DNMT1: variants seen among roughly 807,000 people sequenced by gnomAD.
DNMT1 encodes DNA methyltransferase 1.
Under a neutral mutation model 205.3 loss-of-function variants are expected in DNMT1, and 24 were observed. The ratio of observed to expected loss-of-function variants is 0.12; its 90% CI spans 0.08 to 0.16. DNMT1 has a LOEUF of 0.16. DNMT1 is among the 10% of genes least tolerant of loss of function. The pLI is 1.00. For synonymous variants in DNMT1, 817 were observed against 839.8 expected, an observed-to-expected ratio of 0.97 and a Z score of 0.47; for missense variants, 1,293 against 2,177.7, an observed-to-expected ratio of 0.59 and a Z score of 8.09.
chr19:10,172,155 C>G (rs1471643398), intron 9 of DNMT1, among the ~76,000 whole-genome samples: 1 of 152,090 alleles, frequency 6.6e-6, no homozygotes, highest in African/African-American at 2.4e-5. Flanking sequence ...GTGGCTCACG[C>G]CTATAATCCC....
chr19:10,180,553 T>C lies in DNMT1; in HGVS notation c.242A>G (p.Lys81Arg). The C allele has an allele frequency of 6.2e-7, 1 of 1,614,154 alleles. No homozygotes were observed. The highest frequency in any genetic ancestry group is 8.5e-7 in the Non-Finnish European group (1 of 1,180,032). Residue 81 changes from lysine to arginine, a missense_variant, in exon 4 of 41, where the codon AAA becomes AGA. Lys to Arg is a conservative substitution (Grantham distance 26, BLOSUM62 2). Around this residue, in one of 13 missense-constraint regions of DNMT1, gnomAD observed 394 missense variants for 451.6 expected, o/e 0.87. Transcript: ENST00000359526. Reference sequence around the variant, plus strand: ...ATCTTTATTTAAAAGGGATTTGACTTTAGCCAGGTAGCCCTCCTACAGCAG... The same window carrying C: ...ATCTTTATTTAAAAGGGATTTGACTCTAGCCAGGTAGCCCTCCTACAGCAG... ...EELSEEGYLAKVKSLLNKDLS... is the reference protein window; with the variant it reads ...EELSEEGYLARVKSLLNKDLS...
chr19:10,145,175 G>C (rs1599353712), intron 28 of DNMT1, among the ~76,000 whole-genome samples: 1 of 152,214 alleles, frequency 6.6e-6, no homozygotes, highest in Admixed American at 6.5e-5. Context: ...TTTGAAGAAG[G>C]CCTGCCGTTA....
chr19:10,142,241 G>A (rs773871134), intron 29 of DNMT1, 21 bp from the exon 30 acceptor site: 97 of 1,613,566 alleles, frequency 6.0e-5, no homozygotes, highest in Middle Eastern at 1.6e-4. Flanking sequence ...GAGAGGCCTC[G>A]TTAGGAGCTC....
In DNMT1 at chr19:10,180,375, C is replaced by T; in HGVS notation, c.420G>A (p.Arg140=). 1.2e-6 allele frequency: 2 copies of T among 1,613,456 alleles called. No individual in the cohort carries two copies. Among genetic ancestry groups the T allele is most frequent in the Non-Finnish European group, 8.5e-7 (1 of 1,180,030 alleles). Residue 140 remains arginine (R), a synonymous_variant, in exon 4 of 41, where the codon AGG becomes AGA. Coordinates refer to ENST00000359526, the MANE Select transcript of DNMT1 (RefSeq NM_001130823.3). The stretch of plus-strand genomic sequence containing the variant: ...GCTTAGCCTCTCCATCGGACTTGCT[C>T]CTCCTGGGCGTGCGAGGTTTGGAAA... ...KPLSKPRTPR[R]SKSDGEAKRS... is the part of the protein sequence containing the mutation.
chr19:10,158,555 A>C (rs559181730), intron 17 of DNMT1, among the ~76,000 whole-genome samples: 3 of 152,334 alleles, frequency 2.0e-5, no homozygotes, highest in African/African-American at 7.2e-5. Flanking sequence ...ACGAAGAACA[A>C]GGTGAAGCCC....
In DNMT1 at chr19:10,156,306, C is replaced by T; in HGVS notation, c.1399+85G>A. ...AAGTGATCCTCTGGCCTCAGACCCC[C>T]AAAGTGCTAGGATTACAGATGTGAG... On this transcript the variant is annotated intron_variant, in intron 18 of 40. Coordinates refer to ENST00000359526, the MANE Select transcript of DNMT1 (RefSeq NM_001130823.3). The surrounding 1 kb of genome is among the most constrained non-coding windows in gnomAD (Gnocchi z 4.2). 8.9e-7 allele frequency: 1 copy of T among 1,123,166 alleles called. No individual in the cohort carries two copies. 69.6% of individuals were successfully genotyped at this position (1,123,166 alleles called of 1,614,324 possible). A position where few individuals can be genotyped will look rare whatever the true frequency, so the allele number is the denominator to read the frequency against.
rs1382078791 is a variant in DNMT1, at chr19:10,137,953, G to A, written c.4172C>T (p.Pro1391Leu). The change falls in exon 36 of 41, where the codon CCG becomes CTG. Residue 1391 changes from proline to leucine, a missense_variant. Physicochemically the swap from Pro to Leu is moderately conservative, Grantham distance 98 (BLOSUM62 -3). Around this residue, in one of 13 missense-constraint regions of DNMT1, gnomAD observed 148 missense variants for 256.1 expected, o/e 0.58. Transcript: ENST00000359526. This position sits in a 1 kb window ranked among gnomAD's most constrained non-coding sequence, Gnocchi z 6.4. ...TGCCGAGGCTCCATTCCGCACCTCCGGCAGGTCGGACATCGTGTCTCGCAC... is the reference window on the plus strand; with the variant it reads ...TGCCGAGGCTCCATTCCGCACCTCCAGCAGGTCGGACATCGTGTCTCGCAC... ...ITVRDTMSDLPEVRNGASALE... is the reference protein window; with the variant it reads ...ITVRDTMSDLLEVRNGASALE... 6 of 1,611,712 alleles carry A rather than the reference G, an allele frequency of 3.7e-6. No individual in the cohort carries two copies. Among genetic ancestry groups the A allele is most frequent in the Non-Finnish European group, 5.1e-6 (6 of 1,179,232 alleles).
In DNMT1 at chr19:10,168,319, G is replaced by C. The variant is rs377632120; in HGVS notation, c.803+11C>G. 1.2e-6 allele frequency: 2 copies of C among 1,613,998 alleles called. No homozygotes were observed. Among genetic ancestry groups the C allele is most frequent in the Non-Finnish European group, 1.7e-6 (2 of 1,179,948 alleles). ...CACAACAAAGCACAAAGGCAGGTTC[G>C]CTGCACTTACGGTTCTTTGGTTTGA... On this transcript the variant is annotated intron_variant, in intron 10 of 40. Coordinates refer to ENST00000359526, the MANE Select transcript of DNMT1 (RefSeq NM_001130823.3).
At chr19:10,149,149 C>T in intron 26 of DNMT1, 132 bp from the exon 27 acceptor site, 3 of 1,294,586 alleles carry the variant, frequency 2.3e-6, no homozygotes, top group South Asian at 2.5e-5. Flanking sequence ...CATGGTGAAA[C>T]CCCGTCTCTA....
chr19:10,157,829 G>A (rs1460755159), intron 17 of DNMT1, among the ~76,000 whole-genome samples: 2 of 152,148 alleles, frequency 1.3e-5, no homozygotes, highest in Non-Finnish European at 2.9e-5. Flanking sequence ...AGGGGGTCCC[G>A]CTCCCCGCTG....
chr19:10,134,663 C>T (rs1256754695), intron 39 of DNMT1, among the ~76,000 whole-genome samples: 3 of 150,624 alleles, frequency 2.0e-5, no homozygotes, highest in Admixed American at 6.6e-5. Context: ...AGAGCAGCCT[C>T]GCCAACATGG....
At chr19:10,180,600 G>A (rs2039028306) in intron 3 of DNMT1, 31 bp from the exon 4 acceptor site, 1 of 1,604,708 alleles carries the variant, frequency 6.2e-7, no homozygotes, top group East Asian at 2.2e-5. Context: ...TTAAGTAGCA[G>A]TGAATGTAAA....
At position 10,138,231 on chromosome 19, in the gene DNMT1, T is replaced by C. The variant is rs1568221160; in HGVS notation, c.4115+208A>G. ...CAGCCAAGCATGCGGCTGGCCGCTC[T>C]GCACATGCTATCTACTAGGGAAGCA... On this transcript the variant is annotated intron_variant, in intron 35 of 40. Transcript: ENST00000359526. This position sits in a 1 kb window ranked among gnomAD's most constrained non-coding sequence, Gnocchi z 4.1. Among the ~76,000 whole-genome samples the C allele has an allele frequency of 6.6e-6, 1 of 152,244 alleles. No individual in the cohort carries two copies. Among genetic ancestry groups the C allele is most frequent in the Non-Finnish European group, 1.5e-5 (1 of 68,030 alleles).
At chr19:10,155,170 T>A in intron 19 of DNMT1, 114 bp from the exon 20 acceptor site, 3 of 1,387,424 alleles carry the variant, frequency 2.2e-6, no homozygotes, top group Non-Finnish European at 2.0e-6. Flanking sequence ...AGTCATCCCG[T>A]ACCCAAATGT....
chr19:10,166,496 G>A (rs939122547), intron 11 of DNMT1, 102 bp downstream of exon 11: 3 of 1,416,558 alleles, frequency 2.1e-6, no homozygotes, highest in African/African-American at 2.8e-5. Context: ...CTGGGTGGAT[G>A]GGGCTGGACT....
rs528304138 is a variant in DNMT1, at chr19:10,159,438, A to C, written c.1280+220T>G. Among the ~76,000 whole-genome samples, 1 of 152,268 alleles carries C rather than the reference A, an allele frequency of 6.6e-6. No individual in the cohort carries two copies. Among genetic ancestry groups the C allele is most frequent in the African/African-American group, 2.4e-5 (1 of 41,554 alleles). ...TGGCCAGGCTGGTCTCGAACTCCTG[A>C]CCTGAAGTGATCTGCTCACCTCGGC... is the stretch of plus-strand genomic sequence containing the variant. On this transcript the variant is annotated intron_variant, in intron 17 of 40. Coordinates refer to ENST00000359526, the MANE Select transcript of DNMT1 (RefSeq NM_001130823.3). The surrounding 1 kb of genome is among the most constrained non-coding windows in gnomAD (Gnocchi z 5.0).
Position 10,136,229 on chromosome 19 carries a change from C to T in DNMT1, c.4548G>A (p.Leu1516=). 1 of 1,614,118 alleles carries T rather than the reference C, an allele frequency of 6.2e-7. No homozygotes were observed. The highest frequency in any genetic ancestry group is 8.5e-7 in the Non-Finnish European group (1 of 1,180,020). Residue 1516 remains leucine (L), a synonymous_variant, in exon 38 of 41, where the codon CTG becomes CTA. Coordinates refer to ENST00000359526, the MANE Select transcript of DNMT1 (RefSeq NM_001130823.3). ...RQFNTLIPWC[L]PHTGNRHNHW... ...GGTTGTGCCGGTTCCCGGTGTGGGG[C>T]AGGCACCAGGGGATGAGGGTGTTGA... is the stretch of plus-strand genomic sequence containing the variant.
chr19:10,136,358 G>C, intron 37 of DNMT1, 71 bp from the exon 38 acceptor site: 1 of 1,587,230 alleles, frequency 6.3e-7, no homozygotes. Context: ...GGCTCTTAGA[G>C]CTTTGGGAGG....
intron 6 of DNMT1, among the ~76,000 whole-genome samples, 182 bp downstream of exon 6, chr19:10,177,110 C>T (rs762721270): frequency 1.3e-5 from 2 of 151,940 alleles, no homozygotes; most frequent in Non-Finnish European, 2.9e-5. Flanking sequence ...TTTGAACTTT[C>T]CTATATGAGT....
Sources: gnomAD v4.1 joint callset for allele counts (sites outside exome capture counted in the v4.1 genomes callset) on GRCh38, gnomAD v4.1.1 for gene constraint, gnomAD v4.1.1 regional missense constraint, Gnocchi (gnomAD v3.1) non-coding constraint, MANE v1.5 for transcripts, NCBI Gene and HGNC (gene_info 2026-07-23, HGNC 2026-07-21) for gene names.